The following STON2 variants were observed in gnomAD, a reference collection of about 807,000 sequenced individuals.
STON2 encodes the protein stonin 2.
STON2 carries 29 observed loss-of-function variants against 65.7 expected under a neutral mutation model. The observed-to-expected ratio is 0.44, with a 90% CI of 0.33 to 0.60. The LOEUF (loss-of-function observed/expected upper bound fraction) is 0.60, where lower values mean the gene tolerates loss of function less well. STON2 is among the 20% of genes least tolerant of loss of function. The pLI is 0.03. For synonymous variants in STON2, 404 were observed against 414.2 expected (o/e 0.98, Z 0.30); for missense variants, 1,054 against 1,118.1 (o/e 0.94, Z 0.82).
At chr14:81,432,254 C>T (rs760770393) in intron 1 of STON2, among the ~76,000 whole-genome samples, 3 of 152,190 alleles carry the variant, frequency 2.0e-5, no homozygotes, top group Admixed American at 6.5e-5. Flanking sequence ...ATATTTGCTC[C>T]TTTACGTCCA....
intron 5 of STON2, among the ~76,000 whole-genome samples, chr14:81,316,836 T>C (rs958331547): frequency 3.3e-5 from 5 of 152,084 alleles, no homozygotes; most frequent in African/African-American, 1.2e-4. Flanking sequence ...CTGGCTAACA[T>C]GGTGAAACCC....
chr14:81,351,348 G>A (rs1477921260), intron 4 of STON2, among the ~76,000 whole-genome samples: 3 of 152,018 alleles, frequency 2.0e-5, no homozygotes, highest in East Asian at 3.9e-4. Context: ...CTATTGCCCT[G>A]GAGGACTGAA....
intron 7 of STON2, chr14:81,269,617 T>A (rs1400102824): frequency 1.0e-6 from 1 of 985,136 alleles, no homozygotes; most frequent in African/African-American, 1.7e-5. Flanking sequence ...CAAGATGGAG[T>A]GTTTGTTCCT....
intron 5 of STON2, among the ~76,000 whole-genome samples, chr14:81,315,363 A>ATC (rs1342524791): frequency 2.0e-5 from 3 of 152,076 alleles, no homozygotes; most frequent in Non-Finnish European, 2.9e-5. Context: ...TAAAAACAAG[A>ATC]TCTCTCTCTG....
intron 6 of STON2, among the ~76,000 whole-genome samples, chr14:81,275,658 G>T (rs1197700323): frequency 6.6e-6 from 1 of 152,144 alleles, no homozygotes; most frequent in African/African-American, 2.4e-5. Flanking sequence ...TAGAAGTAGG[G>T]AGTAGCAAAT....
intron 4 of STON2, among the ~76,000 whole-genome samples, chr14:81,325,517 T>TA (rs1018368561): frequency 9.9e-5 from 15 of 152,114 alleles, no homozygotes; most frequent in Non-Finnish European, 1.8e-4. Context: ...AAATAAAAAG[T>TA]AAAAAATTCT....
chr14:81,391,146 A>G (rs1900058705), intron 3 of STON2, among the ~76,000 whole-genome samples: 1 of 152,186 alleles, frequency 6.6e-6, no homozygotes, highest in South Asian at 2.1e-4. Flanking sequence ...ATATGATAAT[A>G]TTTATAGGTT....
intron 5 of STON2, among the ~76,000 whole-genome samples, chr14:81,280,666 G>GT (rs1398631327): frequency 6.6e-6 from 1 of 152,162 alleles, no homozygotes. Context: ...ATCTTTCCAA[G>GT]TAATTTATTC....
At chr14:81,354,436 T>C (rs781313738) in intron 4 of STON2, among the ~76,000 whole-genome samples, 4 of 152,114 alleles carry the variant, frequency 2.6e-5, no homozygotes, top group Non-Finnish European at 4.4e-5. Context: ...AATACGCAGA[T>C]ATCGATGCAA....
intron 4 of STON2, among the ~76,000 whole-genome samples, chr14:81,328,800 C>T (rs548847661): frequency 6.6e-6 from 1 of 152,116 alleles, no homozygotes. Context: ...AAAAAAAGCC[C>T]GGCACCTCCC....
chr14:81,298,899 T>C (rs1239170413), intron 5 of STON2, among the ~76,000 whole-genome samples: 1 of 152,194 alleles, frequency 6.6e-6, no homozygotes, highest in African/African-American at 2.4e-5. Context: ...ATATAGAATT[T>C]TAAAACTTTT....
chr14:81,359,878 A>G (rs1159333645), intron 4 of STON2, among the ~76,000 whole-genome samples: 2 of 152,224 alleles, frequency 1.3e-5, no homozygotes, highest in Admixed American at 1.3e-4. Flanking sequence ...TTTAAAAACA[A>G]ACAAACAAAC....
chr14:81,387,175 T>A (rs1335613882), intron 3 of STON2, among the ~76,000 whole-genome samples: 1 of 149,756 alleles, frequency 6.7e-6, no homozygotes, highest in East Asian at 2.0e-4. Context: ...TTTTTTTTTT[T>A]AAAACATGCT....
At chr14:81,397,815 C>T (rs960696842) in intron 2 of STON2, among the ~76,000 whole-genome samples, 1 of 152,114 alleles carries the variant, frequency 6.6e-6, no homozygotes. Flanking sequence ...TTAAGCCTCA[C>T]AGCAACCTGT....
At chr14:81,409,886 T>C (rs1901065023) in intron 2 of STON2, among the ~76,000 whole-genome samples, 1 of 152,246 alleles carries the variant, frequency 6.6e-6, no homozygotes, top group African/African-American at 2.4e-5. Flanking sequence ...CTAGAGGTGA[T>C]AACTTCACCA....
intron 5 of STON2, among the ~76,000 whole-genome samples, chr14:81,286,802 T>A (rs915538414): frequency 2.6e-5 from 4 of 152,210 alleles, no homozygotes; most frequent in African/African-American, 4.8e-5. Context: ...TCAGAAATAG[T>A]AAAACTTGAC....
At chr14:81,294,312 G>A (rs1245048603) in intron 5 of STON2, among the ~76,000 whole-genome samples, 1 of 152,148 alleles carries the variant, frequency 6.6e-6, no homozygotes, top group African/African-American at 2.4e-5. Flanking sequence ...GGAGTTTTAG[G>A]ACCCTTACCA....
In STON2 at chr14:81,277,032, C is replaced by T; in HGVS notation, c.2450G>A (p.Gly817Glu). The change falls in exon 6 of 8, where the codon GGG becomes GAG. Residue 817 changes from glycine to glutamate, a missense_variant. Coordinates refer to ENST00000614646, the MANE Select transcript of STON2 (RefSeq NM_001394390.1). Reference protein sequence around the residue: ...EKSLKAKVNRGASFGSTSVSG... With the variant: ...EKSLKAKVNREASFGSTSVSG... ...AACACTAGTGGAGCCAAAACTTGCC[C>T]CCCGGTTCACTTTGGCTTTCAAAGA... The T allele has an allele frequency of 1.9e-6, 3 of 1,614,218 alleles. No homozygotes were observed. Among genetic ancestry groups the T allele is most frequent in the Non-Finnish European group, 2.5e-6 (3 of 1,180,044 alleles).
chr14:81,390,049 T>G (rs1010375557), intron 3 of STON2, among the ~76,000 whole-genome samples: 1 of 149,996 alleles, frequency 6.7e-6, no homozygotes, highest in African/African-American at 2.5e-5. Context: ...CCATCTCTAC[T>G]AAAAATACAA....
Sources: gnomAD v4.1 joint callset for allele counts (sites outside exome capture counted in the v4.1 genomes callset) on GRCh38, gnomAD v4.1.1 for gene constraint, MANE v1.5 for transcripts, NCBI Gene and HGNC (gene_info 2026-07-23, HGNC 2026-07-21) for gene names.